Variants in SCLT1 observed in about 807,000 individuals in gnomAD.
SCLT1 encodes sodium channel and clathrin linker 1, also known as sodium channel-associated protein 1.
A neutral mutation model predicts 112.8 loss-of-function variants in SCLT1; 78 were observed. The ratio of observed to expected loss-of-function variants is 0.69; its 90% CI spans 0.58 to 0.83. SCLT1 has a LOEUF of 0.83. Ranked by LOEUF, SCLT1 falls within the 40% of genes least tolerant of loss-of-function variation. SCLT1 has a pLI of 0.00. For synonymous variants in SCLT1, 257 were observed against 254.7 expected, an observed-to-expected ratio of 1.01 and a Z score of -0.09; for missense variants, 747 against 770.4, an observed-to-expected ratio of 0.97 and a Z score of 0.36.
intron 18 of SCLT1, among the ~76,000 whole-genome samples, chr4:128,901,780 T>C (rs1034220707): frequency 2.6e-5 from 4 of 152,196 alleles, no homozygotes; most frequent in Non-Finnish European, 4.4e-5. Context: ...ATCTCTATGA[T>C]ATTAAATACT....
rs1739514685 is a variant in SCLT1 at position 128,959,688 on chromosome 4, T to C, written c.959A>G (p.Asn320Ser). 1.2e-6 allele frequency: 2 copies of C among 1,613,576 alleles called. No individual in the cohort carries two copies. Among genetic ancestry groups the C allele is most frequent in the Non-Finnish European group, 1.7e-6 (2 of 1,179,614 alleles). ...KQTRELQAKC[N>S]ELENERYEAI... ...CTCATATCTCTCATTTTCTAATTCA[T>C]TGCACTTTGCTTGTAGCTCTCTGGT... The change falls in exon 12 of 21, where the codon AAT (asparagine) becomes AGT (serine). Residue 320 changes from asparagine (N) to serine (S), a missense_variant. Transcript: ENST00000281142.
chr4:128,935,915 A>T (rs1737143264), intron 18 of SCLT1, among the ~76,000 whole-genome samples: 1 of 152,056 alleles, frequency 6.6e-6, no homozygotes, highest in Admixed American at 6.6e-5. Context: ...CCTGAATATC[A>T]ACTTACATAC....
At chr4:129,059,157 A>C (rs999239774) in intron 2 of SCLT1, among the ~76,000 whole-genome samples, 1 of 152,060 alleles carries the variant, frequency 6.6e-6, no homozygotes, top group Non-Finnish European at 1.5e-5. Flanking sequence ...TTCTCTTTCC[A>C]TCCATATGTA....
intron 5 of SCLT1, among the ~76,000 whole-genome samples, chr4:129,022,111 AC>A (rs200718112): frequency 6.6e-6 from 1 of 151,600 alleles, no homozygotes; most frequent in Non-Finnish European, 1.5e-5. Flanking sequence ...AACATAAAAG[AC>A]CCCCCCACAA....
At chr4:129,077,224 AAAGTTTATATAGAC>A (rs535686211) in intron 2 of SCLT1, among the ~76,000 whole-genome samples, 224 of 152,296 alleles carry the variant, frequency 1.5e-3, no homozygotes, top group African/African-American at 5.1e-3. Context: ...TACACCTAAC[AAAGTTTATATAGAC>A]AATCAAGTTT....
chr4:129,009,628 T>C (rs1324584472), intron 5 of SCLT1, among the ~76,000 whole-genome samples: 1 of 152,130 alleles, frequency 6.6e-6, no homozygotes, highest in Non-Finnish European at 1.5e-5. Context: ...CATAACAGCA[T>C]CTGTTATTTT....
At chr4:128,930,932 G>A (rs1372727092) in intron 18 of SCLT1, among the ~76,000 whole-genome samples, 1 of 151,962 alleles carries the variant, frequency 6.6e-6, no homozygotes, top group East Asian at 1.9e-4. Flanking sequence ...AGATCAGAAG[G>A]GCTTGTTTCT....
chr4:128,876,889 T>G (rs996799025), intron 3 of SCLT1, among the ~76,000 whole-genome samples: 2 of 152,246 alleles, frequency 1.3e-5, no homozygotes, highest in African/African-American at 4.8e-5. Context: ...TCTTCAACTC[T>G]CACAGCCAAA....
intron 8 of SCLT1, among the ~76,000 whole-genome samples, chr4:128,996,043 T>C (rs1444436786): frequency 1.3e-5 from 2 of 151,898 alleles, no homozygotes; most frequent in African/African-American, 4.8e-5. Flanking sequence ...TCAGAAAATT[T>C]GGGGTGATGA....
intron 2 of SCLT1, among the ~76,000 whole-genome samples, chr4:129,052,322 T>C (rs1748876831): frequency 6.6e-6 from 1 of 152,038 alleles, no homozygotes; most frequent in African/African-American, 2.4e-5. Context: ...TTTGTACCTC[T>C]GGTAGAATCC....
chr4:128,934,773 T>G lies in SCLT1; in HGVS notation c.1829+1882A>C, dbSNP rs79080025. Among the ~76,000 whole-genome samples the G allele has an allele frequency of 5.4e-3, 814 of 152,046 alleles. 9 individuals are homozygous for G. Among genetic ancestry groups the G allele is most frequent in the African/African-American group, 0.019 (773 of 41,556 alleles). On this transcript the variant is annotated intron_variant, in intron 18 of 20. Transcript: ENST00000281142. ...TGTCTGTTAAGAGTGGCTGTTTTCT[T>G]TCTTTCGGTTTTGTCAACCTTTTAT...
At chr4:129,093,046 G>A (rs1300259894) in intron 1 of SCLT1, 24 bp downstream of exon 1, 1 of 1,553,654 alleles carries the variant, frequency 6.4e-7, no homozygotes, top group African/African-American at 1.4e-5. Flanking sequence ...TGTATATGAA[G>A]TCTCAAAAAA....
rs1246974579 is a variant in SCLT1, at chr4:129,043,432, T to G, written c.197A>C (p.His66Pro). 1 of 1,549,752 alleles carries G rather than the reference T, an allele frequency of 6.5e-7. No homozygotes were observed. Among genetic ancestry groups the G allele is most frequent in the Non-Finnish European group, 8.9e-7 (1 of 1,129,342 alleles). ...CAGCTGCCCATTTAGTTCTCCTAGG[T>G]GTTTATCATACTCAGTAACAAGAGG... is the stretch of plus-strand genomic sequence containing the variant. ...LAPLVTEYDK[H>P]LGELNGQLKY... Residue 66 changes from histidine to proline, a missense_variant, in exon 4 of 21, where the codon CAC (histidine) becomes CCC (proline). By Grantham distance (77) the His-to-Pro change is moderately conservative. This residue lies in a region of SCLT1 where 723 missense variants were observed against 721.3 expected (regional missense o/e 1.00). Transcript: ENST00000281142.
At chr4:129,043,904 G>T in intron 3 of SCLT1, 89 bp downstream of exon 3, 4 of 706,138 alleles carry the variant, frequency 5.7e-6, no homozygotes, top group South Asian at 3.5e-5. Context: ...AATAACAGCA[G>T]ACCATAAAAC....
intron 5 of SCLT1, among the ~76,000 whole-genome samples, chr4:129,014,610 G>A (rs1450354447): frequency 6.6e-6 from 1 of 152,158 alleles, no homozygotes; most frequent in Non-Finnish European, 1.5e-5. Flanking sequence ...TGGACTGTAT[G>A]CTCTAACCCT....
intron 11 of SCLT1, among the ~76,000 whole-genome samples, chr4:128,963,056 A>T (rs191600739): frequency 7.3e-4 from 111 of 152,290 alleles, no homozygotes; most frequent in African/African-American, 2.6e-3. Flanking sequence ...TGCATTCTTT[A>T]GTAAATATGG....
intron 5 of SCLT1, among the ~76,000 whole-genome samples, chr4:129,026,413 A>G (rs570606798): frequency 6.6e-6 from 1 of 152,228 alleles, no homozygotes; most frequent in Non-Finnish European, 1.5e-5. Flanking sequence ...AAACCACTCA[A>G]CTACATGGAA....
At chr4:129,016,626 A>G (rs1389818291) in intron 5 of SCLT1, among the ~76,000 whole-genome samples, 2 of 152,218 alleles carry the variant, frequency 1.3e-5, no homozygotes, top group Non-Finnish European at 2.9e-5. Context: ...ACCTATCCAC[A>G]AGTGTGATGG....
intron 5 of SCLT1, among the ~76,000 whole-genome samples, chr4:129,005,129 A>C (rs745790208): frequency 2.6e-5 from 4 of 152,106 alleles, no homozygotes; most frequent in Admixed American, 6.6e-5. Flanking sequence ...TGTATTGCTA[A>C]TACTATAATC....
Sources: allele counts gnomAD v4.1 joint callset (sites outside exome capture counted in the v4.1 genomes callset), GRCh38; gene constraint gnomAD v4.1.1; regional missense constraint gnomAD v4.1.1; transcripts MANE v1.5; gene names NCBI Gene and HGNC (gene_info 2026-07-23, HGNC 2026-07-21).